The following PSD3 variants were observed in gnomAD, a reference collection of about 807,000 sequenced individuals.
PSD3 encodes the protein pleckstrin and Sec7 domain containing 3.
A neutral mutation model predicts 105.5 loss-of-function variants in PSD3; 49 were observed. The ratio of observed to expected loss-of-function variants is 0.46; its 90% CI spans 0.37 to 0.59. The LOEUF (loss-of-function observed/expected upper bound fraction) is 0.59. Ranked by LOEUF, PSD3 falls within the 20% of genes least tolerant of loss-of-function variation. The pLI is 0.00. For missense variants in PSD3, 1,561 were observed against 1,263.8 expected, an observed-to-expected ratio of 1.24 and a Z score of -3.57; for synonymous variants, 557 against 457.8, an observed-to-expected ratio of 1.22 and a Z score of -2.77.
chr8:18,948,390 C>T (rs577819066), intron 1 of PSD3, among the ~76,000 whole-genome samples: 1 of 152,152 alleles, frequency 6.6e-6, no homozygotes, highest in Non-Finnish European at 1.5e-5. Context: ...TGAGGAAAAG[C>T]TGAAAACTAC....
At chr8:18,643,320 G>A (rs1008488564) in intron 10 of PSD3, among the ~76,000 whole-genome samples, 5 of 152,158 alleles carry the variant, frequency 3.3e-5, no homozygotes, top group African/African-American at 7.2e-5. Flanking sequence ...CTTGCCTAAT[G>A]GTTGGGGGAC....
chr8:18,828,063 ATATAT>A (rs1441401864), intron 4 of PSD3, among the ~76,000 whole-genome samples: 3 of 112,132 alleles, frequency 2.7e-5, no homozygotes, highest in African/African-American at 7.5e-5. Context: ...ATATATATAT[ATATAT>A]TTTTTTTTTT....
chr8:18,630,664 T>TAA (rs1806829685), intron 11 of PSD3, among the ~76,000 whole-genome samples: 1 of 151,932 alleles, frequency 6.6e-6, no homozygotes, highest in Non-Finnish European at 1.5e-5. Context: ...AATTATTCTT[T>TAA]TTTTTTTCTC....
At chr8:18,979,056 T>C (rs1825109584) in intron 1 of PSD3, among the ~76,000 whole-genome samples, 1 of 152,156 alleles carries the variant, frequency 6.6e-6, no homozygotes, top group Non-Finnish European at 1.5e-5. Flanking sequence ...GCTTATTTTC[T>C]CATCTGGAGG....
chr8:18,699,948 A>G (rs1801479719), intron 9 of PSD3, among the ~76,000 whole-genome samples: 1 of 152,140 alleles, frequency 6.6e-6, no homozygotes, highest in Non-Finnish European at 1.5e-5. Flanking sequence ...GCAACTGATT[A>G]ACTTTTTGAA....
chr8:18,786,594 G>C (rs1443475703), intron 8 of PSD3, among the ~76,000 whole-genome samples: 1 of 152,154 alleles, frequency 6.6e-6, no homozygotes, highest in Non-Finnish European at 1.5e-5. Flanking sequence ...GCAGTTAGGT[G>C]GGCAAGATGG....
chr8:18,879,703 GCCTC>G (rs1817991868), intron 2 of PSD3, among the ~76,000 whole-genome samples: 2 of 152,068 alleles, frequency 1.3e-5, no homozygotes, highest in African/African-American at 4.8e-5. Context: ...TGATCCTCCA[GCCTC>G]AGCCTCTGGA....
chr8:19,012,171 CT>C (rs58758275), intron 1 of PSD3, among the ~76,000 whole-genome samples: 17,318 of 152,162 alleles, frequency 0.11, 1,217 homozygotes, highest in African/African-American at 0.19. Flanking sequence ...CACTCTACTC[CT>C]TTTAGTACAA....
chr8:18,963,336 T>C (rs1189056050), intron 1 of PSD3, among the ~76,000 whole-genome samples: 3 of 152,192 alleles, frequency 2.0e-5, no homozygotes, highest in Non-Finnish European at 4.4e-5. Flanking sequence ...AACCACAGAA[T>C]TTGACTTCCT....
intron 2 of PSD3, among the ~76,000 whole-genome samples, chr8:18,913,615 C>G (rs1820389219): frequency 6.6e-6 from 1 of 152,008 alleles, no homozygotes; most frequent in Non-Finnish European, 1.5e-5. Flanking sequence ...TGCCACGAAC[C>G]CAGGACCCAG....
intron 1 of PSD3, among the ~76,000 whole-genome samples, chr8:18,977,192 G>A (rs60707144): frequency 0.062 from 9,249 of 150,110 alleles, 973 homozygotes; most frequent in African/African-American, 0.22. Flanking sequence ...CACAGAAGGC[G>A]GAGGTTGCAG....
intron 8 of PSD3, among the ~76,000 whole-genome samples, chr8:18,793,770 A>G (rs887008780): frequency 1.3e-5 from 2 of 152,188 alleles, no homozygotes; most frequent in Admixed American, 6.5e-5. Context: ...CAGGGAAGAT[A>G]TTATCCTGCA....
chr8:18,674,093 C>G (rs995344850), intron 9 of PSD3, among the ~76,000 whole-genome samples: 1 of 151,772 alleles, frequency 6.6e-6, no homozygotes, highest in Non-Finnish European at 1.5e-5. Flanking sequence ...GTGCAGTGAG[C>G]AGTGATCGTG....
chr8:18,644,027 T>C (rs957525936), intron 10 of PSD3, among the ~76,000 whole-genome samples: 4 of 152,218 alleles, frequency 2.6e-5, no homozygotes, highest in African/African-American at 9.6e-5. Flanking sequence ...GAGAGCACCC[T>C]GGGCCCATCC....
At chr8:18,910,419 T>C (rs1411938479) in intron 2 of PSD3, among the ~76,000 whole-genome samples, 3 of 109,104 alleles carry the variant, frequency 2.7e-5, no homozygotes, top group Non-Finnish European at 5.5e-5. Context: ...TTCTCACTCA[T>C]AGGTGGGAAT....
chr8:18,637,555 C>G (rs1052834901), intron 10 of PSD3, among the ~76,000 whole-genome samples: 1 of 152,124 alleles, frequency 6.6e-6, no homozygotes, highest in Non-Finnish European at 1.5e-5. Context: ...AAAATGGTTT[C>G]TTGCATTTGG....
intron 9 of PSD3, among the ~76,000 whole-genome samples, chr8:18,720,735 C>T (rs1802915096): frequency 6.6e-6 from 1 of 152,176 alleles, no homozygotes; most frequent in African/African-American, 2.4e-5. Context: ...ATACCAGTCA[C>T]AGGAGCGCCG....
chr8:18,538,249 C>A (rs776050285), intron 15 of PSD3, among the ~76,000 whole-genome samples: 1 of 152,206 alleles, frequency 6.6e-6, no homozygotes, highest in Non-Finnish European at 1.5e-5. Context: ...ACTAAACACA[C>A]ATTCCAATTT....
chr8:18,626,284 A>G (rs1806471361), intron 11 of PSD3, among the ~76,000 whole-genome samples: 1 of 152,092 alleles, frequency 6.6e-6, no homozygotes, highest in African/African-American at 2.4e-5. Context: ...GAGTGAAATA[A>G]ATGGTCCATT....
Sources: allele counts gnomAD v4.1 joint callset (sites outside exome capture counted in the v4.1 genomes callset), GRCh38; gene constraint gnomAD v4.1.1; transcripts MANE v1.5; gene names NCBI Gene and HGNC (gene_info 2026-07-23, HGNC 2026-07-21).